Variants in TPST1 observed in about 807,000 individuals in gnomAD.
TPST1 encodes protein-tyrosine sulfotransferase 1.
Under a neutral mutation model 34.8 loss-of-function variants are expected in TPST1, and 20 were observed. That is an observed-to-expected ratio of 0.57 (90% CI 0.40 to 0.84). TPST1 has a LOEUF of 0.84. Among genes scored for constraint, TPST1 ranks in the 40% least tolerant of loss-of-function variants. TPST1 has a pLI of 0.00. For synonymous variants in TPST1, 152 were observed against 159.4 expected (o/e 0.95, Z 0.35); for missense variants, 353 against 455.5 (o/e 0.78, Z 2.05).
chr7:66,219,130 T>G (rs998278850), intron 1 of TPST1, among the ~76,000 whole-genome samples: 2 of 146,998 alleles, frequency 1.4e-5, no homozygotes, highest in Non-Finnish European at 3.0e-5. Flanking sequence ...ACTCCTGACC[T>G]CAAGTGATCC....
chr7:66,281,412 C>G (rs1162777819), intron 2 of TPST1, among the ~76,000 whole-genome samples: 3 of 152,096 alleles, frequency 2.0e-5, no homozygotes, highest in Non-Finnish European at 1.5e-5. Context: ...GGTACAAGGT[C>G]TTCTTTATAC....
chr7:66,221,403 C>G (rs939087994), intron 1 of TPST1, among the ~76,000 whole-genome samples: 1 of 152,092 alleles, frequency 6.6e-6, no homozygotes, highest in African/African-American at 2.4e-5. Flanking sequence ...TGGTTTTAAG[C>G]TTGAGAATCA....
At chr7:66,220,197 T>C (rs879374325) in intron 1 of TPST1, among the ~76,000 whole-genome samples, 1 of 152,162 alleles carries the variant, frequency 6.6e-6, no homozygotes, top group Admixed American at 6.6e-5. Context: ...TTTAGCAGGA[T>C]CAGTCAATGC....
At chr7:66,324,800 C>CAAAAAAAAAAAAAA (rs56389964) in intron 3 of TPST1, among the ~76,000 whole-genome samples, 24 of 109,268 alleles carry the variant, frequency 2.2e-4, no homozygotes, top group East Asian at 6.2e-4. Flanking sequence ...GACTCTGTCT[C>CAAAAAAAAAAAAAA]AAAAAAAAAA....
chr7:66,324,818 A>C (rs1207280709), intron 3 of TPST1, among the ~76,000 whole-genome samples: 2 of 151,454 alleles, frequency 1.3e-5, no homozygotes, highest in African/African-American at 2.4e-5. Flanking sequence ...AAAAAAAAAA[A>C]AAAAAAAAAA....
chr7:66,293,950 G>A (rs1320556965), intron 3 of TPST1, among the ~76,000 whole-genome samples: 1 of 152,164 alleles, frequency 6.6e-6, no homozygotes, highest in Non-Finnish European at 1.5e-5. Context: ...AAAATTCAGA[G>A]CTAGATTATA....
chr7:66,344,646 C>T (rs1251551408), intron 3 of TPST1, among the ~76,000 whole-genome samples: 3 of 151,410 alleles, frequency 2.0e-5, no homozygotes, highest in African/African-American at 4.9e-5. Flanking sequence ...CTCCTGACCT[C>T]GTGATCCACC....
At chr7:66,310,404 C>G (rs1791506197) in intron 3 of TPST1, among the ~76,000 whole-genome samples, 1 of 152,102 alleles carries the variant, frequency 6.6e-6, no homozygotes, top group South Asian at 2.1e-4. Context: ...CCCTTGATTT[C>G]TGGGCTTAGG....
At chr7:66,271,929 G>C (rs563893653) in intron 2 of TPST1, among the ~76,000 whole-genome samples, 2 of 152,068 alleles carry the variant, frequency 1.3e-5, no homozygotes, top group South Asian at 2.1e-4. Flanking sequence ...ACTATTTGCT[G>C]TCTAGTCTTT....
chr7:66,211,164 C>T (rs150699927), intron 1 of TPST1, among the ~76,000 whole-genome samples: 221 of 150,184 alleles, frequency 1.5e-3, no homozygotes, highest in Non-Finnish European at 2.5e-3. Flanking sequence ...GATGGAGTTT[C>T]GCTCTTGTTG....
chr7:66,243,941 A>ATTTTTTTTTTTTTTTTTTTTTTT (rs55829208), intron 2 of TPST1, among the ~76,000 whole-genome samples: 1 of 116,232 alleles, frequency 8.6e-6, no homozygotes, highest in Non-Finnish European at 1.7e-5. Context: ...ATTCTGGGAA[A>ATTTTTTTTTTTTTTTTTTTTTTT]TTTTTTTTTT....
At chr7:66,225,876 G>GTTTTGT (rs368227012) in intron 1 of TPST1, among the ~76,000 whole-genome samples, 18 of 152,158 alleles carry the variant, frequency 1.2e-4, no homozygotes, top group Admixed American at 2.6e-4. Context: ...TTAGGTACCT[G>GTTTTGT]TTTTGTTTTT....
chr7:66,347,059 CTTTTTTTTTT>C (rs71051352), intron 3 of TPST1, among the ~76,000 whole-genome samples: 24 of 59,972 alleles, frequency 4.0e-4, no homozygotes, highest in African/African-American at 1.3e-3. Context: ...CTTTGCTTTT[CTTTTTTTTTT>C]TTTTTTTTTT....
At position 66,240,958 on chromosome 7, in the gene TPST1, A is replaced by C. The variant is rs777930990; in HGVS notation, c.533A>C (p.Lys178Thr). ...TYLSRLFPNAKFLLMVRDGRA... is the reference protein window; with the variant it reads ...TYLSRLFPNATFLLMVRDGRA... ...CTTTCTAGGTTATTCCCCAATGCCA[A>C]ATTTCTCCTGATGGTCCGAGATGGC... Residue 178 changes from lysine (K) to threonine (T), a missense_variant, in exon 2 of 6, where the codon AAA becomes ACA. Physicochemically the swap from Lys to Thr is moderately conservative, Grantham distance 78. Coordinates refer to ENST00000304842, the MANE Select transcript of TPST1 (RefSeq NM_003596.4). 2 of 1,614,182 alleles carry C rather than the reference A, an allele frequency of 1.2e-6. No individual in the cohort carries two copies. The highest frequency in any genetic ancestry group is 1.7e-5 in the Admixed American group (1 of 60,016).
chr7:66,257,396 G>GTGT, intron 2 of TPST1, among the ~76,000 whole-genome samples: 1 of 152,316 alleles, frequency 6.6e-6, no homozygotes, highest in Admixed American at 6.5e-5. Flanking sequence ...AGGCACAGAA[G>GTGT]TGTTACTAGT....
At chr7:66,271,363 G>A (rs964936354) in intron 2 of TPST1, among the ~76,000 whole-genome samples, 1 of 152,200 alleles carries the variant, frequency 6.6e-6, no homozygotes, top group East Asian at 1.9e-4. Context: ...ATTTTTAGTA[G>A]AGACGGGGTT....
intron 3 of TPST1, among the ~76,000 whole-genome samples, chr7:66,345,867 GTTAA>G (rs528080161): frequency 2.4e-4 from 36 of 152,040 alleles, no homozygotes; most frequent in African/African-American, 8.4e-4. Context: ...TAAATAAATA[GTTAA>G]TTATTGACTG....
intron 2 of TPST1, among the ~76,000 whole-genome samples, chr7:66,252,357 C>CT (rs1396946200): frequency 0.01 from 919 of 88,316 alleles, 11 homozygotes; most frequent in African/African-American, 0.027. Flanking sequence ...CGCGCCCAGC[C>CT]TTTTTTTTTT....
intron 1 of TPST1, among the ~76,000 whole-genome samples, chr7:66,230,088 T>A (rs567259781): frequency 4.9e-4 from 75 of 152,270 alleles, no homozygotes; most frequent in Admixed American, 7.9e-4. Context: ...CTCGGGAGGC[T>A]GAGGCAGGAG....
Sources: allele counts gnomAD v4.1 joint callset (sites outside exome capture counted in the v4.1 genomes callset), GRCh38; gene constraint gnomAD v4.1.1; transcripts MANE v1.5; gene names NCBI Gene and HGNC (gene_info 2026-07-23, HGNC 2026-07-21).